Variants in HAVCR2 observed in about 807,000 individuals in gnomAD.
The protein encoded by HAVCR2 is T cell immunoglobulin mucin 3.
HAVCR2 carries 13 observed loss-of-function variants against 24.7 expected under a neutral mutation model. That is an observed-to-expected ratio of 0.53 (90% CI 0.34 to 0.84). HAVCR2 has a LOEUF of 0.84. Ranked by LOEUF, HAVCR2 falls within the 40% of genes least tolerant of loss-of-function variation. The probability of loss-of-function intolerance (pLI) is 0.01; values close to 1 mark genes in which losing one functional copy is unlikely to be tolerated. For synonymous variants in HAVCR2, 154 were observed against 143.4 expected, an observed-to-expected ratio of 1.07 and a Z score of -0.53; for missense variants, 343 against 371.2, an observed-to-expected ratio of 0.92 and a Z score of 0.62.
At chr5:157,092,775 C>G (rs539076845) in intron 5 of HAVCR2, among the ~76,000 whole-genome samples, 1 of 148,806 alleles carries the variant, frequency 6.7e-6, no homozygotes, top group African/African-American at 2.5e-5. Context: ...ATATTCATCA[C>G]GCCTGTAATC....
In HAVCR2 at chr5:157,106,776, T is replaced by C. The variant is rs184868814; in HGVS notation, c.245A>G (p.Tyr82Cys). ...ERDVNYWTSRYWLNGDFRKGD... is the reference protein window; with the variant it reads ...ERDVNYWTSRCWLNGDFRKGD... ...TTTGCGGAAATCCCCATTTAGCCAG[T>C]ATCTGGATGTCCAATAATTCACATC... Residue 82 changes from tyrosine to cysteine, a missense_variant, in exon 2 of 7, where the codon TAC (tyrosine) becomes TGC (cysteine). Coordinates refer to ENST00000307851, the MANE Select transcript of HAVCR2 (RefSeq NM_032782.5). 2,080 of 1,614,196 alleles carry C rather than the reference T, an allele frequency of 1.3e-3. 9 individuals are homozygous for C. The East Asian group carries it at 0.017, about 13-fold the overall frequency.
chr5:157,100,404 T>G (rs1401816944), intron 3 of HAVCR2, among the ~76,000 whole-genome samples: 1 of 152,216 alleles, frequency 6.6e-6, no homozygotes, highest in East Asian at 1.9e-4. Context: ...CCACTCACCA[T>G]CTTTCCTTCC....
Position 157,095,303 on chromosome 5 carries a change from T to C in HAVCR2, c.676+3A>G. The C allele has an allele frequency of 6.2e-7, 1 of 1,613,164 alleles. No homozygotes were observed. Among genetic ancestry groups the C allele is most frequent in the Non-Finnish European group, 8.5e-7 (1 of 1,179,704 alleles). ...AGAGGGAGAGAGAAACAAAAACACT[T>C]ACATTTGAAAATTAAAGCGCCGAAG... is the stretch of plus-strand genomic sequence containing the variant. On this transcript the variant is annotated splice_donor_region_variant and intron_variant, in intron 5 of 6. Transcript: ENST00000307851.
chr5:157,096,957 CACACACATAT>C (rs895029799), intron 4 of HAVCR2, among the ~76,000 whole-genome samples: 6 of 146,702 alleles, frequency 4.1e-5, no homozygotes, highest in African/African-American at 8.0e-5. Context: ...CACACACACA[CACACACATAT>C]AATTATAAGC....
intron 2 of HAVCR2, among the ~76,000 whole-genome samples, chr5:157,105,604 G>GCTC (rs1757236013): frequency 6.6e-6 from 1 of 152,082 alleles, no homozygotes; most frequent in Non-Finnish European, 1.5e-5. Flanking sequence ...ATATTTTATA[G>GCTC]AAGAGGAGCT....
At chr5:157,092,896 A>AT in intron 5 of HAVCR2, among the ~76,000 whole-genome samples, 1 of 85,270 alleles carries the variant, frequency 1.2e-5, no homozygotes, top group African/African-American at 4.6e-5. Flanking sequence ...AAAAAAAAAA[A>AT]AAAAAAAAAA....
intron 3 of HAVCR2, among the ~76,000 whole-genome samples, chr5:157,101,837 C>T (rs1757171749): frequency 6.6e-6 from 1 of 150,886 alleles, no homozygotes. Context: ...TACAGTGGCA[C>T]CAACTCGGCT....
intron 4 of HAVCR2, among the ~76,000 whole-genome samples, chr5:157,096,085 G>C (rs1277044263): frequency 6.6e-6 from 1 of 151,928 alleles, no homozygotes; most frequent in Non-Finnish European, 1.5e-5. Flanking sequence ...ACTTAGCCAG[G>C]CGTGGTAACA....
chr5:157,095,158 GC>G (rs1561620523), intron 5 of HAVCR2, 147 bp downstream of exon 5: 1 of 742,298 alleles, frequency 1.3e-6, no homozygotes, highest in African/African-American at 1.8e-5. Context: ...ATAAAAATTA[GC>G]CATTATTGTT....
intron 3 of HAVCR2, among the ~76,000 whole-genome samples, chr5:157,101,667 C>T (rs1383625665): frequency 6.6e-6 from 1 of 152,134 alleles, no homozygotes; most frequent in East Asian, 1.9e-4. Context: ...GCTGAGGACT[C>T]ACCTGTGACC....
intron 2 of HAVCR2, 117 bp from the exon 3 acceptor site, chr5:157,104,866 C>G: frequency 1.6e-6 from 1 of 636,150 alleles, no homozygotes. Context: ...AGAAATACAC[C>G]CTCAGCTTCC....
At chr5:157,091,387 A>G (rs1157967783) in intron 5 of HAVCR2, among the ~76,000 whole-genome samples, 1 of 152,016 alleles carries the variant, frequency 6.6e-6, no homozygotes, top group East Asian at 1.9e-4. Context: ...CAGAGGTTGC[A>G]GTGAGCCAAG....
In HAVCR2 at chr5:157,106,609, A is replaced by G; in HGVS notation, c.394+18T>C. 1 of 1,581,994 alleles carries G rather than the reference A, an allele frequency of 6.3e-7. No homozygotes were observed. Among genetic ancestry groups the G allele is most frequent in the Non-Finnish European group, 8.7e-7 (1 of 1,150,938 alleles). On this transcript the variant is annotated intron_variant, in intron 2 of 6. Coordinates refer to ENST00000307851, the MANE Select transcript of HAVCR2 (RefSeq NM_032782.5). ...GATAAATCTTATTCATAAAGATGGC[A>G]TGCAAATGTCCACTCACCTGGTTTG...
Position 157,104,646 on chromosome 5 carries a change from T to C in HAVCR2, c.478+20A>G, listed in dbSNP as rs369444948. On this transcript the variant is annotated intron_variant, in intron 3 of 6. Transcript: ENST00000307851. ...TCAGAGCCAGCTAAAGATTCCCTCC[T>C]CTGCCCCATGCATAGTTACCTGGGC... The C allele has an allele frequency of 4.5e-6, 7 of 1,549,192 alleles. No individual in the cohort carries two copies. The African/African-American group carries it at 8.1e-5, about 18-fold the overall frequency.
chr5:157,092,086 C>T (rs6861025), intron 5 of HAVCR2, among the ~76,000 whole-genome samples: 127,699 of 151,478 alleles, frequency 0.84, 53,985 homozygotes, highest in East Asian at 0.99. Flanking sequence ...TAGATCCCAT[C>T]ACTCTTTATA....
At chr5:157,093,920 C>G (rs938843582) in intron 5 of HAVCR2, among the ~76,000 whole-genome samples, 1 of 152,004 alleles carries the variant, frequency 6.6e-6, no homozygotes, top group African/African-American at 2.4e-5. Flanking sequence ...ACTCCAGCGT[C>G]CATCTCCAAA....
At chr5:157,091,193 C>T (rs1272694091) in intron 5 of HAVCR2, among the ~76,000 whole-genome samples, 1 of 152,034 alleles carries the variant, frequency 6.6e-6, no homozygotes, top group Non-Finnish European at 1.5e-5. Context: ...GCCTATAATC[C>T]CAGCACTTTG....
At chr5:157,088,157 A>G (rs1193866016) in intron 6 of HAVCR2, among the ~76,000 whole-genome samples, 3 of 152,142 alleles carry the variant, frequency 2.0e-5, no homozygotes, top group Non-Finnish European at 4.4e-5. Flanking sequence ...TGATCCTCCC[A>G]CCTCAGCCTC....
chr5:157,101,941 ATTTTTTTTTTTTT>A (rs869260432), intron 3 of HAVCR2, among the ~76,000 whole-genome samples: 1 of 83,066 alleles, frequency 1.2e-5, no homozygotes, highest in Non-Finnish European at 2.3e-5. Context: ...ATGCCCGGCT[ATTTTTTTTTTTTT>A]TTTTTTTTTT....
Sources: allele counts gnomAD v4.1 joint callset (sites outside exome capture counted in the v4.1 genomes callset), GRCh38; gene constraint gnomAD v4.1.1; transcripts MANE v1.5; gene names NCBI Gene and HGNC (gene_info 2026-07-23, HGNC 2026-07-21).